Variants in CREB3L1 observed in about 807,000 individuals in gnomAD.
CREB3L1 encodes cyclic AMP-responsive element-binding protein 3-like protein 1.
CREB3L1 carries 33 observed loss-of-function variants against 54.5 expected under a neutral mutation model. The ratio of observed to expected loss-of-function variants is 0.61; its 90% CI spans 0.46 to 0.81. The LOEUF is 0.81. Ranked by LOEUF, CREB3L1 falls within the 30% of genes least tolerant of loss-of-function variation. The probability of loss-of-function intolerance (pLI) is 0.00; values close to 1 mark genes in which losing one functional copy is unlikely to be tolerated. For synonymous variants in CREB3L1, 284 were observed against 286.4 expected (o/e 0.99, Z 0.08); for missense variants, 656 against 673.3 (o/e 0.97, Z 0.29).
At chr11:46,299,869 T>C in intron 1 of CREB3L1, 66 bp from the exon 2 acceptor site, 1 of 1,167,246 alleles carries the variant, frequency 8.6e-7, no homozygotes, top group Non-Finnish European at 1.3e-6. Flanking sequence ...ACCACCACAG[T>C]AGCACCTGCA....
intron 8 of CREB3L1, 132 bp from the exon 9 acceptor site, chr11:46,316,154 C>A: frequency 1.6e-6 from 1 of 621,400 alleles, no homozygotes; most frequent in Non-Finnish European, 2.9e-6. Flanking sequence ...CAGGAGGTGA[C>A]CTTTCCTATC....
chr11:46,320,765 A>T lies in CREB3L1; in HGVS notation c.*19A>T, dbSNP rs947338648. 30 of 1,610,706 alleles carry T rather than the reference A, an allele frequency of 1.9e-5. No homozygotes were observed. Among genetic ancestry groups the T allele is most frequent in the Non-Finnish European group, 2.4e-5 (28 of 1,178,638 alleles). On this transcript the variant is annotated 3_prime_UTR_variant, in exon 12 of 12. Coordinates refer to ENST00000621158, the MANE Select transcript of CREB3L1 (RefSeq NM_052854.4). ...CTCCTAGGCCATGCCAAGACCCAGG[A>T]CATAGGACGGACCCCTGGTACCCAG...
In CREB3L1 at chr11:46,320,907, T is replaced by A; in HGVS notation, c.*161T>A. The stretch of plus-strand genomic sequence containing the variant: ...CCTTCCTTGCCCCTGACATTTGGAC[T>A]CTTCCCTTGGGCCGACCACTCTGTT... On this transcript the variant is annotated 3_prime_UTR_variant, in exon 12 of 12. Transcript: ENST00000621158. 1 of 791,792 alleles carries A rather than the reference T, an allele frequency of 1.3e-6. No homozygotes were observed. The highest frequency in any genetic ancestry group is 2.2e-6 in the Non-Finnish European group (1 of 459,998). 49.0% of individuals were successfully genotyped at this position (791,792 alleles called of 1,614,324 possible).
At chr11:46,293,414 G>A (rs1238112181) in intron 1 of CREB3L1, among the ~76,000 whole-genome samples, 9 of 152,228 alleles carry the variant, frequency 5.9e-5, no homozygotes, top group Non-Finnish European at 1.3e-4. Context: ...AGATGCCAGG[G>A]GCTGGCTGGG....
intron 2 of CREB3L1, among the ~76,000 whole-genome samples, 153 bp downstream of exon 2, chr11:46,300,316 C>T (rs1312793914): frequency 6.6e-6 from 1 of 152,242 alleles, no homozygotes; most frequent in Non-Finnish European, 1.5e-5. Flanking sequence ...TCCTCCCTGC[C>T]TTTCTGTTCT....
chr11:46,310,090 C>T (rs1380777276), intron 4 of CREB3L1, 23 bp downstream of exon 4: 1 of 1,510,948 alleles, frequency 6.6e-7, no homozygotes, highest in Admixed American at 1.9e-5. Flanking sequence ...AGGGGAAGGG[C>T]TCTTTTCCCC....
rs77789926 is a variant in CREB3L1 at position 46,316,565 on chromosome 11, T to C, written c.1131+180T>C. 8.8e-3 allele frequency among the ~76,000 whole-genome samples: 1,340 copies of C among 152,262 alleles called. 22 individuals carry two copies. Among genetic ancestry groups the C allele is most frequent in the African/African-American group, 0.031 (1,284 of 41,542 alleles). On this transcript the variant is annotated intron_variant, in intron 9 of 11. Transcript: ENST00000621158. ...ACTCCAGACTCCTTCTCCAAGCCCA[T>C]GGTGCCTTCTGCCTCACACCGGTCC...
intron 8 of CREB3L1, 102 bp downstream of exon 8, chr11:46,313,021 GT>G: frequency 1.1e-6 from 1 of 872,726 alleles, no homozygotes; most frequent in Non-Finnish European, 1.8e-6. Flanking sequence ...AGAGAACTAA[GT>G]TTAGGATGAC....
chr11:46,298,631 GGA>G (rs1939247712), intron 1 of CREB3L1, among the ~76,000 whole-genome samples: 1 of 152,168 alleles, frequency 6.6e-6, no homozygotes, highest in Non-Finnish European at 1.5e-5. Context: ...CCCGGGAGAT[GGA>G]GGTTGCAGTG....
chr11:46,316,090 C>T, intron 8 of CREB3L1, 196 bp from the exon 9 acceptor site: 1 of 508,846 alleles, frequency 2.0e-6, no homozygotes, highest in South Asian at 2.7e-5. Context: ...GGTGACCCAG[C>T]CAGTCACCAT....
chr11:46,277,987 G>T lies in CREB3L1; in HGVS notation c.-125G>T, dbSNP rs1566176758. On this transcript the variant is annotated 5_prime_UTR_variant, in exon 1 of 12. Coordinates refer to ENST00000621158, the MANE Select transcript of CREB3L1 (RefSeq NM_052854.4). ...CGCCGCCTCCGTCCGCCCCTCCCCC[G>T]GGGCTTCGCCCCGGACCTGCCCCCC... The T allele has an allele frequency of 1.3e-5, 3 of 226,020 alleles. No individual in the cohort carries two copies. Among genetic ancestry groups the T allele is most frequent in the East Asian group, 1.7e-4 (2 of 11,760 alleles). 14.0% of individuals were successfully genotyped at this position (226,020 alleles called of 1,614,324 possible).
chr11:46,289,655 A>C (rs1459940762), intron 1 of CREB3L1, among the ~76,000 whole-genome samples: 1 of 152,218 alleles, frequency 6.6e-6, no homozygotes, highest in Non-Finnish European at 1.5e-5. Context: ...TGCAGGCACC[A>C]GGAGAGGTAT....
rs1179525258 is a variant in CREB3L1, at chr11:46,321,272, G to A, written c.*526G>A. Reference sequence around the variant, plus strand: ...CGGGCTTTGCTGCTCCCTGGCCCAGGAAAGAGGGACTACCTGACCCTCACC... The same window carrying A: ...CGGGCTTTGCTGCTCCCTGGCCCAGAAAAGAGGGACTACCTGACCCTCACC... On this transcript the variant is annotated 3_prime_UTR_variant, in exon 12 of 12. Coordinates refer to ENST00000621158, the MANE Select transcript of CREB3L1 (RefSeq NM_052854.4). The A allele has an allele frequency of 3.6e-6, 1 of 278,638 alleles. No individual in the cohort carries two copies. The highest frequency in any genetic ancestry group is 4.9e-5 in the East Asian group (1 of 20,264). 17.3% of individuals were successfully genotyped at this position (278,638 alleles called of 1,614,324 possible).
chr11:46,313,089 G>A (rs190877730), intron 8 of CREB3L1, among the ~76,000 whole-genome samples, 170 bp downstream of exon 8: 388 of 152,270 alleles, frequency 2.5e-3, no homozygotes, highest in Non-Finnish European at 4.0e-3. Flanking sequence ...GCCCCTCTCT[G>A]TGTTCCCATT....
chr11:46,280,021 G>T (rs1045990967), intron 1 of CREB3L1, among the ~76,000 whole-genome samples: 1 of 152,154 alleles, frequency 6.6e-6, no homozygotes, highest in Non-Finnish European at 1.5e-5. Flanking sequence ...TCTCGCACCT[G>T]GGGCAGCGCC....
rs373559836 is a variant in CREB3L1, at chr11:46,316,318, C to T, written c.1064C>T (p.Thr355Ile). ...TLLQQLQKLQ[T>I]LVTNKISRPY... The stretch of plus-strand genomic sequence containing the variant: ...CTCCAGCAGCTGCAGAAACTCCAGA[C>T]TCTGGTCACCAACAAGATCTCCAGA... The change falls in exon 9 of 12, where the codon ACT becomes ATT. Residue 355 changes from threonine (T) to isoleucine (I), a missense_variant. Physicochemically the swap from Thr to Ile is moderately conservative, Grantham distance 89. This residue lies in a region of CREB3L1 where 77 missense variants were observed against 122.0 expected (regional missense o/e 0.63). Coordinates refer to ENST00000621158, the MANE Select transcript of CREB3L1 (RefSeq NM_052854.4). 6.4e-7 allele frequency: 1 copy of T among 1,573,284 alleles called. No homozygotes were observed. The highest frequency in any genetic ancestry group is 8.6e-7 in the Non-Finnish European group (1 of 1,159,610).
Position 46,312,305 on chromosome 11 carries a change from C to T in CREB3L1, c.754-20C>T, listed in dbSNP as rs1444851324. 1.3e-6 allele frequency: 2 copies of T among 1,565,126 alleles called. No homozygotes were observed. Among genetic ancestry groups the T allele is most frequent in the East Asian group, 2.4e-5 (1 of 42,272 alleles). On this transcript the variant is annotated intron_variant, in intron 5 of 11. Transcript: ENST00000621158. ...CCCAGGGCTGCCTGGCTCCTAACTACCACATCATACTTCCTACAGAAATTA... is the reference window on the plus strand; with the variant it reads ...CCCAGGGCTGCCTGGCTCCTAACTATCACATCATACTTCCTACAGAAATTA...
intron 2 of CREB3L1, 28 bp downstream of exon 2, chr11:46,300,191 C>T: frequency 6.4e-7 from 1 of 1,557,558 alleles, no homozygotes; most frequent in Non-Finnish European, 8.8e-7. Context: ...CTGGGGACAG[C>T]ACAGGCCCAG....
intron 8 of CREB3L1, among the ~76,000 whole-genome samples, chr11:46,313,150 G>A (rs1326148434): frequency 6.6e-6 from 1 of 152,138 alleles, no homozygotes; most frequent in Non-Finnish European, 1.5e-5. Flanking sequence ...GTGAGCAGAT[G>A]TTTTCAAAGT....
Sources: gnomAD v4.1 joint callset for allele counts (sites outside exome capture counted in the v4.1 genomes callset) on GRCh38, gnomAD v4.1.1 for gene constraint, gnomAD v4.1.1 regional missense constraint, MANE v1.5 for transcripts, NCBI Gene and HGNC (gene_info 2026-07-23, HGNC 2026-07-21) for gene names.